The following SLC24A3 variants were observed in gnomAD, a reference collection of about 807,000 sequenced individuals.
The protein encoded by SLC24A3 is sodium/potassium/calcium exchanger 3.
In SLC24A3, 28 loss-of-function variants were observed where a neutral mutation model predicts 75.8. The ratio of observed to expected loss-of-function variants is 0.37; its 90% CI spans 0.27 to 0.51. The LOEUF is 0.51. Among genes scored for constraint, SLC24A3 ranks in the 20% least tolerant of loss-of-function variants. The pLI is 0.94. For missense variants in SLC24A3, 663 were observed against 847.8 expected (o/e 0.78, Z 2.71); for synonymous variants, 372 against 334.1 (o/e 1.11, Z -1.24).
chr20:19,682,116 G>A, intron 10 of SLC24A3, 125 bp downstream of exon 10: 2 of 1,110,454 alleles, frequency 1.8e-6, no homozygotes, highest in South Asian at 3.1e-5. Flanking sequence ...TTAACCAGGA[G>A]TGGTGGCCCA....
chr20:19,529,217 A>T (rs1043662962), intron 3 of SLC24A3, among the ~76,000 whole-genome samples: 1 of 152,160 alleles, frequency 6.6e-6, no homozygotes, highest in African/African-American at 2.4e-5. Flanking sequence ...ACACACATAA[A>T]TATGTGTCTC....
chr20:19,396,155 G>C (rs1284674372), intron 2 of SLC24A3, among the ~76,000 whole-genome samples: 1 of 152,208 alleles, frequency 6.6e-6, no homozygotes, highest in African/African-American at 2.4e-5. Context: ...ATTTCTAATG[G>C]GTATACAAGT....
intron 1 of SLC24A3, among the ~76,000 whole-genome samples, chr20:19,222,783 C>CCCTCCCTTACTTCCTTCCTT (rs759160442): frequency 1.3e-5 from 1 of 75,804 alleles, no homozygotes; most frequent in African/African-American, 5.3e-5. Context: ...TCCCCTCCCT[C>CCCTCCCTTACTTCCTTCCTT]CCTTCCTTCC....
intron 2 of SLC24A3, among the ~76,000 whole-genome samples, chr20:19,335,309 T>C (rs1234199149): frequency 6.6e-6 from 1 of 152,202 alleles, no homozygotes; most frequent in African/African-American, 2.4e-5. Flanking sequence ...TTTTCTACTT[T>C]AGCTGGATGG....
In SLC24A3 at chr20:19,665,894, G is replaced by A; in HGVS notation, c.713+5G>A. ...TTATGATGAAAAAGTTTCCTGGTAA[G>A]TACCTCTCTTTCCCCTTCTCATTTC... On this transcript the variant is annotated splice_donor_5th_base_variant and intron_variant, in intron 8 of 16. Transcript: ENST00000328041. The A allele has an allele frequency of 6.2e-7, 1 of 1,611,718 alleles. No individual in the cohort carries two copies.
intron 6 of SLC24A3, among the ~76,000 whole-genome samples, chr20:19,590,256 G>A (rs191655211): frequency 6.6e-6 from 1 of 151,976 alleles, no homozygotes; most frequent in South Asian, 2.1e-4. Flanking sequence ...CCCACAGCTG[G>A]GCTTTTGCTT....
At chr20:19,366,462 G>A (rs1292006399) in intron 2 of SLC24A3, among the ~76,000 whole-genome samples, 4 of 152,128 alleles carry the variant, frequency 2.6e-5, no homozygotes, top group Admixed American at 2.6e-4. Flanking sequence ...CCATGTAATG[G>A]GCTTTTGAGC....
chr20:19,579,859 G>T, intron 3 of SLC24A3, 141 bp from the exon 4 acceptor site: 1 of 642,238 alleles, frequency 1.6e-6, no homozygotes, highest in Non-Finnish European at 2.8e-6. Context: ...GGAGAGTGTT[G>T]TGGGCATTGG....
intron 15 of SLC24A3, among the ~76,000 whole-genome samples, chr20:19,699,102 G>A (rs1217552738): frequency 6.6e-6 from 1 of 152,052 alleles, no homozygotes; most frequent in African/African-American, 2.4e-5. Context: ...TTTGATTTTT[G>A]TTCCAACCAT....
intron 2 of SLC24A3, among the ~76,000 whole-genome samples, chr20:19,421,485 T>G (rs1986917218): frequency 6.6e-6 from 1 of 152,130 alleles, no homozygotes; most frequent in South Asian, 2.1e-4. Context: ...ACAGCCAAGT[T>G]TTGAGTTTTG....
intron 1 of SLC24A3, among the ~76,000 whole-genome samples, chr20:19,252,507 A>T (rs1048803340): frequency 6.6e-6 from 1 of 152,206 alleles, no homozygotes; most frequent in Non-Finnish European, 1.5e-5. Context: ...GCTGATTTTA[A>T]TCATTGCTGT....
At chr20:19,579,804 A>T (rs568069875) in intron 3 of SLC24A3, among the ~76,000 whole-genome samples, 196 bp from the exon 4 acceptor site, 2 of 152,334 alleles carry the variant, frequency 1.3e-5, no homozygotes, top group South Asian at 4.1e-4. Flanking sequence ...GCAAAAGGAG[A>T]GTGACAGGTG....
chr20:19,333,008 G>C (rs1985036773), intron 2 of SLC24A3, among the ~76,000 whole-genome samples: 1 of 152,188 alleles, frequency 6.6e-6, no homozygotes, highest in Admixed American at 6.5e-5. Context: ...GCTGTGTCTG[G>C]GTTCTTGTGG....
intron 2 of SLC24A3, among the ~76,000 whole-genome samples, chr20:19,429,859 T>A (rs1987071104): frequency 6.6e-6 from 1 of 152,134 alleles, no homozygotes; most frequent in African/African-American, 2.4e-5. Context: ...TATGTCACCC[T>A]AAAGCAGGGA....
At chr20:19,620,748 T>A (rs1000063796) in intron 6 of SLC24A3, among the ~76,000 whole-genome samples, 5 of 152,024 alleles carry the variant, frequency 3.3e-5, no homozygotes, top group Non-Finnish European at 7.4e-5. Context: ...GGGAGAGAGA[T>A]GAGAAAGGAG....
intron 2 of SLC24A3, among the ~76,000 whole-genome samples, chr20:19,430,846 A>G (rs1400835261): frequency 6.6e-6 from 1 of 152,006 alleles, no homozygotes; most frequent in African/African-American, 2.4e-5. Flanking sequence ...GTACACACTC[A>G]CCTAGGGACA....
intron 6 of SLC24A3, 45 bp downstream of exon 6, chr20:19,585,589 G>A (rs1473885103): frequency 4.5e-6 from 7 of 1,563,642 alleles, no homozygotes; most frequent in Admixed American, 3.4e-5. Flanking sequence ...TGACATTGGG[G>A]AAAGGGGAGG....
intron 3 of SLC24A3, among the ~76,000 whole-genome samples, chr20:19,565,240 A>G (rs892835689): frequency 2.0e-5 from 3 of 152,208 alleles, no homozygotes; most frequent in African/African-American, 7.2e-5. Context: ...GCTCCATTAG[A>G]TCCACATGAA....
chr20:19,575,212 G>T (rs1457896911), intron 3 of SLC24A3, among the ~76,000 whole-genome samples: 2 of 136,986 alleles, frequency 1.5e-5, no homozygotes, highest in African/African-American at 2.7e-5. Flanking sequence ...TGAGTGCACT[G>T]CATCACTATA....
Sources: allele counts gnomAD v4.1 joint callset (sites outside exome capture counted in the v4.1 genomes callset), GRCh38; gene constraint gnomAD v4.1.1; transcripts MANE v1.5; gene names NCBI Gene and HGNC (gene_info 2026-07-23, HGNC 2026-07-21).